Variants in KALRN observed in about 807,000 individuals in gnomAD.
KALRN encodes kalirin.
In KALRN, 70 loss-of-function variants were observed where a neutral mutation model predicts 353.7. That is an observed-to-expected ratio of 0.20 (90% CI 0.16 to 0.24). The LOEUF (loss-of-function observed/expected upper bound fraction) is 0.24, where lower values mean the gene tolerates loss of function less well. Among genes scored for constraint, KALRN ranks in the 10% least tolerant of loss-of-function variants. KALRN has a pLI of 1.00. For missense variants in KALRN, 2,791 were observed against 3,756.7 expected (o/e 0.74, Z 6.72); for synonymous variants, 1,391 against 1,434.8 (o/e 0.97, Z 0.69).
chr3:124,140,435 T>C (rs558263044), intron 1 of KALRN, among the ~76,000 whole-genome samples: 1 of 152,232 alleles, frequency 6.6e-6, no homozygotes, highest in Non-Finnish European at 1.5e-5. Context: ...CTCTTCTCTG[T>C]CTCTGTCAGA....
intron 1 of KALRN, chr3:124,162,277 A>G (rs544189435): frequency 6.6e-6 from 1 of 152,192 alleles, no homozygotes; most frequent in South Asian, 2.1e-4. Flanking sequence ...TGCTTGCTGG[A>G]GCCTGTGGAT....
chr3:124,591,746 G>A (rs2075797733), intron 34 of KALRN, among the ~76,000 whole-genome samples: 1 of 152,146 alleles, frequency 6.6e-6, no homozygotes, highest in Non-Finnish European at 1.5e-5. Context: ...ATCCTCAGGG[G>A]ACTCCCAGCT....
chr3:124,671,833 T>A lies in KALRN; in HGVS notation c.6877T>A (p.Ser2293Thr), dbSNP rs773576120. Residue 2293 changes from serine to threonine, a missense_variant, in exon 48 of 60, where the codon TCT becomes ACT. Physicochemically the swap from Ser to Thr is moderately conservative, Grantham distance 58 (BLOSUM62 1). Coordinates refer to ENST00000682506, the MANE Select transcript of KALRN (RefSeq NM_001388419.1). ...CCCACCTCTGCCTCCCCTGAAGATA[T>A]CTACCTCCAATGGCAGTCCAGGGTT... is the stretch of plus-strand genomic sequence containing the variant. ...YNPPLPPLKI[S>T]TSNGSPGFEY... 6.2e-7 allele frequency: 1 copy of A among 1,614,162 alleles called. No individual in the cohort carries two copies. The highest frequency in any genetic ancestry group is 8.5e-7 in the Non-Finnish European group (1 of 1,180,018).
At chr3:124,448,615 G>A (rs2058472704) in intron 21 of KALRN, among the ~76,000 whole-genome samples, 5 of 152,098 alleles carry the variant, frequency 3.3e-5, no homozygotes, top group Admixed American at 6.5e-5. Context: ...TTTAAGAGGA[G>A]CCCCTCCTTT....
intron 6 of KALRN, among the ~76,000 whole-genome samples, chr3:124,314,855 A>G (rs961090053): frequency 6.6e-6 from 1 of 152,154 alleles, no homozygotes; most frequent in Non-Finnish European, 1.5e-5. Flanking sequence ...GGGTCTCACT[A>G]TGTTGCCCAG....
intron 1 of KALRN, among the ~76,000 whole-genome samples, chr3:124,043,803 G>A (rs1044877081): frequency 5.3e-5 from 8 of 152,162 alleles, no homozygotes; most frequent in African/African-American, 1.7e-4. Context: ...TTTGCAAGCC[G>A]AGGTGGGACT....
At chr3:124,287,787 A>G (rs1307830425) in intron 5 of KALRN, among the ~76,000 whole-genome samples, 3 of 11,178 alleles carry the variant, frequency 2.7e-4, no homozygotes, top group Non-Finnish European at 6.9e-4. Context: ...ATATATATAT[A>G]TATATATATA....
intron 33 of KALRN, among the ~76,000 whole-genome samples, chr3:124,555,110 T>G (rs2071056526): frequency 6.6e-6 from 1 of 152,104 alleles, no homozygotes; most frequent in Non-Finnish European, 1.5e-5. Flanking sequence ...CTCAGTGCCG[T>G]CTGGTGCTTC....
chr3:124,383,528 C>T (rs1308364139), intron 10 of KALRN, among the ~76,000 whole-genome samples: 2 of 152,138 alleles, frequency 1.3e-5, no homozygotes, highest in African/African-American at 2.4e-5. Flanking sequence ...CCAGTTTCTT[C>T]GTTCATCTTC....
At position 124,667,215 on chromosome 3, in the gene KALRN, G is replaced by C; in HGVS notation, c.6703+32G>C. On this transcript the variant is annotated intron_variant, in intron 47 of 59. Coordinates refer to ENST00000682506, the MANE Select transcript of KALRN (RefSeq NM_001388419.1). The stretch of plus-strand genomic sequence containing the variant: ...GCTGGGCTTGGTTCCTTGCAGGGCT[G>C]TGTCAGGGGACTCCACGACCTCTGA... The C allele has an allele frequency of 3.8e-6, 6 of 1,592,384 alleles. 1 individual carries two copies. The South Asian group carries it at 5.7e-5, about 15-fold the overall frequency.
At chr3:124,664,654 C>A (rs529077073) in intron 45 of KALRN, among the ~76,000 whole-genome samples, 1 of 152,148 alleles carries the variant, frequency 6.6e-6, no homozygotes, top group African/African-American at 2.4e-5. Flanking sequence ...GGTGATCCGC[C>A]GGCCTTGGCC....
chr3:124,218,277 G>C (rs901228636), intron 1 of KALRN, among the ~76,000 whole-genome samples: 1 of 152,134 alleles, frequency 6.6e-6, no homozygotes, highest in Non-Finnish European at 1.5e-5. Context: ...ATTAAATTAA[G>C]TATTAATATT....
chr3:124,622,223 A>G (rs1268825075), intron 34 of KALRN, among the ~76,000 whole-genome samples: 4 of 152,174 alleles, frequency 2.6e-5, no homozygotes, highest in African/African-American at 9.7e-5. Flanking sequence ...CCCTCTGTAA[A>G]TTGTTAGTGG....
chr3:124,245,047 TTA>T (rs2080958887), intron 3 of KALRN, among the ~76,000 whole-genome samples: 1 of 24,830 alleles, frequency 4.0e-5, no homozygotes, highest in Admixed American at 2.7e-4. Context: ...TAAATTATTG[TTA>T]ACTAGAGTCA....
At chr3:124,092,910 C>T (rs1165962932) in intron 1 of KALRN, among the ~76,000 whole-genome samples, 5 of 152,074 alleles carry the variant, frequency 3.3e-5, no homozygotes, top group South Asian at 2.1e-4. Flanking sequence ...GGAGAAACAC[C>T]GGGTTACTTC....
At chr3:124,145,009 G>A (rs1228573173) in intron 1 of KALRN, among the ~76,000 whole-genome samples, 1 of 152,144 alleles carries the variant, frequency 6.6e-6, no homozygotes, top group Non-Finnish European at 1.5e-5. Flanking sequence ...AAAAGGTGAG[G>A]GTGGACTAAG....
intron 1 of KALRN, among the ~76,000 whole-genome samples, chr3:124,145,084 A>G (rs1318331177): frequency 1.3e-5 from 2 of 152,100 alleles, no homozygotes; most frequent in Non-Finnish European, 2.9e-5. Flanking sequence ...GGGCAAGAGG[A>G]TGCTTCCTGG....
chr3:124,616,500 T>G (rs2078612170), intron 34 of KALRN, among the ~76,000 whole-genome samples: 1 of 152,248 alleles, frequency 6.6e-6, no homozygotes, highest in African/African-American at 2.4e-5. Flanking sequence ...TCACCCTTTT[T>G]CTTCCAGATC....
At chr3:124,227,186 C>T (rs905909863) in intron 1 of KALRN, among the ~76,000 whole-genome samples, 2 of 152,122 alleles carry the variant, frequency 1.3e-5, no homozygotes, top group African/African-American at 4.8e-5. Flanking sequence ...TCTTTGTGAG[C>T]CCCAAGATTC....
Sources: allele counts gnomAD v4.1 joint callset (sites outside exome capture counted in the v4.1 genomes callset), GRCh38; gene constraint gnomAD v4.1.1; transcripts MANE v1.5; gene names NCBI Gene and HGNC (gene_info 2026-07-23, HGNC 2026-07-21).